Variants in PPP1R1C observed in about 807,000 individuals in gnomAD.
The protein encoded by PPP1R1C is protein phosphatase 1 regulatory subunit 1C.
A neutral mutation model predicts 17.4 loss-of-function variants in PPP1R1C; 15 were observed. The ratio of observed to expected loss-of-function variants is 0.86; its 90% CI spans 0.58 to 1.33. The LOEUF (loss-of-function observed/expected upper bound fraction) is 1.33, where lower values mean the gene tolerates loss of function less well. Among genes scored for constraint, PPP1R1C ranks in the 40% most tolerant of loss-of-function variants. The pLI is 0.00. For missense variants in PPP1R1C, 143 were observed against 130.0 expected (o/e 1.10, Z -0.48); for synonymous variants, 35 against 43.1 (o/e 0.81, Z 0.73).
At chr2:182,064,639 G>A (rs17366088) in intron 4 of PPP1R1C, among the ~76,000 whole-genome samples, 7,652 of 152,020 alleles carry the variant, frequency 0.05, 284 homozygotes, top group Non-Finnish European at 0.075. Flanking sequence ...AGGGAGGCGG[G>A]ATATAAATGG....
chr2:182,056,018 C>T (rs1476535175), intron 2 of PPP1R1C, among the ~76,000 whole-genome samples: 1 of 152,104 alleles, frequency 6.6e-6, no homozygotes, highest in Admixed American at 6.6e-5. Context: ...ATATACTTGT[C>T]ATCTAGAATG....
At chr2:182,119,652 G>A (rs1382888895), downstream of PPP1R1C, among the ~76,000 whole-genome samples, 2 of 152,062 alleles carry the variant, frequency 1.3e-5, no homozygotes, top group Admixed American at 6.5e-5. Context: ...TTCTCTGATG[G>A]CCAGTGATGA....
intron 2 of PPP1R1C, among the ~76,000 whole-genome samples, chr2:182,000,071 AC>A (rs954363201): frequency 2.0e-5 from 3 of 152,118 alleles, no homozygotes; most frequent in African/African-American, 7.2e-5. Context: ...CCTTCATGAA[AC>A]CTTTTTGGAC....
intron 2 of PPP1R1C, among the ~76,000 whole-genome samples, chr2:182,036,091 G>A (rs1686997248): frequency 6.6e-6 from 1 of 152,128 alleles, no homozygotes. Flanking sequence ...TTTCAACAAA[G>A]TGAGTTAGAA....
intron 1 of PPP1R1C, among the ~76,000 whole-genome samples, chr2:181,966,773 T>G (rs969046754): frequency 4.6e-5 from 7 of 152,222 alleles, no homozygotes; most frequent in Non-Finnish European, 1.0e-4. Context: ...TTTCTTTATT[T>G]GATGTGTCTG....
chr2:181,958,210 C>T (rs1368309567), intron 1 of PPP1R1C, among the ~76,000 whole-genome samples: 1 of 152,148 alleles, frequency 6.6e-6, no homozygotes, highest in Non-Finnish European at 1.5e-5. Flanking sequence ...AATTTCAGGT[C>T]AACTCCCTTT....
chr2:181,960,545 C>T (rs551044224), intron 1 of PPP1R1C, among the ~76,000 whole-genome samples: 11 of 152,298 alleles, frequency 7.2e-5, no homozygotes, highest in Non-Finnish European at 1.0e-4. Context: ...TCACATGAAA[C>T]GTTTTCCATC....
chr2:182,104,636 A>G (rs1689194425), intron 4 of PPP1R1C, among the ~76,000 whole-genome samples: 1 of 152,128 alleles, frequency 6.6e-6, no homozygotes, highest in African/African-American at 2.4e-5. Flanking sequence ...GATCCTTTCA[A>G]TGTGCTATTG....
intron 2 of PPP1R1C, among the ~76,000 whole-genome samples, chr2:182,035,451 A>G (rs1686975054): frequency 6.6e-6 from 1 of 152,206 alleles, no homozygotes. Context: ...CATAGAATTT[A>G]CTTCTTGGCA....
At chr2:182,077,201 T>G (rs1295432852) in intron 4 of PPP1R1C, among the ~76,000 whole-genome samples, 1 of 149,730 alleles carries the variant, frequency 6.7e-6, no homozygotes, top group African/African-American at 2.6e-5. Context: ...GTTTCAGATA[T>G]GTAAACATTG....
intron 2 of PPP1R1C, among the ~76,000 whole-genome samples, chr2:182,056,685 T>C (rs1052364084): frequency 2.0e-5 from 3 of 152,194 alleles, no homozygotes; most frequent in African/African-American, 7.2e-5. Flanking sequence ...GCAGCCAATA[T>C]CCAGAATAAA....
At chr2:181,978,576 CT>C (rs1685139213) in intron 2 of PPP1R1C, among the ~76,000 whole-genome samples, 1 of 152,174 alleles carries the variant, frequency 6.6e-6, no homozygotes, top group Non-Finnish European at 1.5e-5. Context: ...CTCCATGTGG[CT>C]TTGCCTTCTT....
chr2:182,112,693 A>G lies in PPP1R1C; in HGVS notation c.242-4514A>G, dbSNP rs142136258. Among the ~76,000 whole-genome samples the G allele has an allele frequency of 1.7e-4, 26 of 152,240 alleles. 1 individual carries two copies. The highest frequency in any genetic ancestry group is 8.3e-4 in the South Asian group (4 of 4,826). On this transcript the variant is annotated intron_variant, in intron 4 of 4. Coordinates refer to ENST00000682840, the MANE Select transcript of PPP1R1C (RefSeq NM_001080545.3). Reference sequence around the variant, plus strand: ...AAAGAGAGTAGAATTCAAATTCATAATTACTTGCAGATCAGAGACCCCACT... The same window carrying G: ...AAAGAGAGTAGAATTCAAATTCATAGTTACTTGCAGATCAGAGACCCCACT...
At chr2:182,073,650 G>A (rs4404233) in intron 4 of PPP1R1C, among the ~76,000 whole-genome samples, 83,266 of 152,008 alleles carry the variant, frequency 0.55, 23,341 homozygotes, top group Non-Finnish European at 0.61. Flanking sequence ...GAAATAGCTG[G>A]CACTTCCTGT....
At chr2:182,074,621 T>C (rs923649725) in intron 4 of PPP1R1C, among the ~76,000 whole-genome samples, 23 of 152,330 alleles carry the variant, frequency 1.5e-4, no homozygotes, top group Middle Eastern at 3.4e-3. Flanking sequence ...GATTACATTC[T>C]TCACAAACTT....
At chr2:181,955,069 AAG>A (rs1684649170) in intron 1 of PPP1R1C, among the ~76,000 whole-genome samples, 1 of 152,194 alleles carries the variant, frequency 6.6e-6, no homozygotes, top group South Asian at 2.1e-4. Context: ...TTATAAAACA[AAG>A]AGAATAATAC....
At chr2:182,025,477 C>A (rs1286831405) in intron 2 of PPP1R1C, among the ~76,000 whole-genome samples, 1 of 129,644 alleles carries the variant, frequency 7.7e-6, no homozygotes, top group South Asian at 2.8e-4. Context: ...TTTGTTCTTG[C>A]GATAGTTTAC....
intron 2 of PPP1R1C, among the ~76,000 whole-genome samples, chr2:182,059,546 T>C (rs1007652178): frequency 2.0e-5 from 3 of 152,100 alleles, no homozygotes; most frequent in Non-Finnish European, 2.9e-5. Flanking sequence ...TTTAAAGAGC[T>C]GGCAACTATG....
At chr2:182,072,763 G>C (rs1688177060) in intron 4 of PPP1R1C, among the ~76,000 whole-genome samples, 1 of 152,096 alleles carries the variant, frequency 6.6e-6, no homozygotes, top group Non-Finnish European at 1.5e-5. Context: ...TGGTATCTTT[G>C]TTTTTAATAA....
Sources: allele counts gnomAD v4.1 joint callset (sites outside exome capture counted in the v4.1 genomes callset), GRCh38; gene constraint gnomAD v4.1.1; transcripts MANE v1.5; gene names NCBI Gene and HGNC (gene_info 2026-07-23, HGNC 2026-07-21).